TAS1R2: variants seen among roughly 807,000 people sequenced by gnomAD.
TAS1R2 encodes taste 1 receptor member 2.
A neutral mutation model predicts 49.3 loss-of-function variants in TAS1R2; 47 were observed. That is an observed-to-expected ratio of 0.95 (90% CI 0.75 to 1.22). The LOEUF (loss-of-function observed/expected upper bound fraction) is 1.22, where lower values mean the gene tolerates loss of function less well. TAS1R2 is among the 50% of genes most tolerant of loss of function. The pLI, the probability that TAS1R2 is intolerant of heterozygous loss-of-function variation, is 0.00. For missense variants in TAS1R2, 1,155 were observed against 1,122.1 expected (o/e 1.03, Z -0.42); for synonymous variants, 479 against 467.9 (o/e 1.02, Z -0.31).
chr1:18,840,642 C>T, intron 5 of TAS1R2, 115 bp from the exon 6 acceptor site: 7 of 1,049,950 alleles, frequency 6.7e-6, no homozygotes, highest in Non-Finnish European at 9.9e-6. Flanking sequence ...AAGGGCAACC[C>T]TTGCATTCAC....
At chr1:18,841,947 G>C (rs1025347473) in intron 4 of TAS1R2, 95 bp from the exon 5 acceptor site, 118 of 1,299,278 alleles carry the variant, frequency 9.1e-5, no homozygotes, top group Non-Finnish European at 1.1e-4. Flanking sequence ...AGGGGAGGAA[G>C]CCTAGAAGCC....
intron 2 of TAS1R2, among the ~76,000 whole-genome samples, chr1:18,856,043 A>G (rs962278251): frequency 6.6e-6 from 1 of 152,040 alleles, no homozygotes. Flanking sequence ...GCTCACACAC[A>G]TGTCAGGTCA....
intron 3 of TAS1R2, among the ~76,000 whole-genome samples, chr1:18,850,637 C>T (rs1934004698): frequency 1.3e-5 from 2 of 152,260 alleles, no homozygotes; most frequent in East Asian, 1.9e-4. Context: ...CCTGCCCAAG[C>T]AGGGTTGAGC....
intron 3 of TAS1R2, among the ~76,000 whole-genome samples, chr1:18,850,556 G>A (rs1569669314): frequency 1.3e-5 from 2 of 152,256 alleles, no homozygotes; most frequent in East Asian, 3.8e-4. Context: ...GTCGGCCTGA[G>A]GATGAGGATC....
chr1:18,848,049 G>T lies in TAS1R2; in HGVS notation c.1467+1292C>A, dbSNP rs533900943. On this transcript the variant is annotated intron_variant, in intron 4 of 5. Coordinates refer to ENST00000375371, the Ensembl canonical transcript of TAS1R2. ...CCTCATGATTCAATTATCTCACACT[G>T]GATCCCTCTCACAACATGTGGGGAT... Among the ~76,000 whole-genome samples, 240 of 152,280 alleles carry T rather than the reference G, an allele frequency of 1.6e-3. 1 individual carries two copies. Among genetic ancestry groups the T allele is most frequent in the Non-Finnish European group, 2.9e-3 (198 of 68,028 alleles).
chr1:18,849,781 C>T (rs563612074), intron 3 of TAS1R2, among the ~76,000 whole-genome samples: 115 of 152,320 alleles, frequency 7.5e-4, no homozygotes, highest in Middle Eastern at 3.4e-3. Flanking sequence ...GCTGTGAGGC[C>T]TTGGGCCTGT....
intron 3 of TAS1R2, among the ~76,000 whole-genome samples, chr1:18,849,840 A>C (rs1933990265): frequency 1.3e-5 from 2 of 152,166 alleles, no homozygotes; most frequent in Admixed American, 1.3e-4. Flanking sequence ...TGGGAGCAAT[A>C]AAAACTCTAT....
At chr1:18,848,812 G>A (rs951150674) in intron 4 of TAS1R2, among the ~76,000 whole-genome samples, 8 of 152,182 alleles carry the variant, frequency 5.3e-5, no homozygotes, top group Non-Finnish European at 1.0e-4. Flanking sequence ...AGATGGGATC[G>A]TCTAGTTGCA....
intron 3 of TAS1R2, among the ~76,000 whole-genome samples, chr1:18,851,399 A>G (rs1934022296): frequency 6.6e-6 from 1 of 152,040 alleles, no homozygotes; most frequent in African/African-American, 2.4e-5. Flanking sequence ...GCGATCTCAG[A>G]TCGGACTACA....
chr1:18,854,783 C>A lies in TAS1R2; in HGVS notation c.687G>T (p.Arg229=). ...CCTGGAAGGCGATGCAGATGTCGCGCCGGGCCACGCGCTCGCCAAGCAGCT... is the reference window on the plus strand; with the variant it reads ...CCTGGAAGGCGATGCAGATGTCGCGACGGGCCACGCGCTCGCCAAGCAGCT... The change falls in exon 3 of 6, where the codon CGG becomes CGT. Residue 229 remains arginine (R), a synonymous_variant. Coordinates refer to ENST00000375371, the Ensembl canonical transcript of TAS1R2. This position sits in a 1 kb window ranked among gnomAD's most constrained non-coding sequence, Gnocchi z 4.9. The A allele has an allele frequency of 6.2e-7, 1 of 1,605,926 alleles. No homozygotes were observed. The highest frequency in any genetic ancestry group is 1.3e-5 in the African/African-American group (1 of 74,970).
intron 2 of TAS1R2, among the ~76,000 whole-genome samples, chr1:18,855,553 C>T (rs1007160452): frequency 2.0e-5 from 3 of 152,198 alleles, no homozygotes. Context: ...TCAGTCCCTG[C>T]CTTTTCTCCA....
intron 4 of TAS1R2, among the ~76,000 whole-genome samples, chr1:18,843,070 T>G (rs1248331429): frequency 6.6e-6 from 1 of 152,238 alleles, no homozygotes; most frequent in Non-Finnish European, 1.5e-5. Flanking sequence ...AGATGTTACA[T>G]CATTAACACT....
chr1:18,854,287 C>T lies in TAS1R2; in HGVS notation c.1183G>A (p.Val395Met). 6.2e-7 allele frequency: 1 copy of T among 1,614,190 alleles called. No homozygotes were observed. Among genetic ancestry groups the T allele is most frequent in the Non-Finnish European group, 8.5e-7 (1 of 1,180,032 alleles). Residue 395 changes from valine (V) to methionine (M), a missense_variant, in exon 3 of 6, where the codon GTG (valine) becomes ATG (methionine). Transcript: ENST00000375371. The surrounding 1 kb of genome is among the most constrained non-coding windows in gnomAD (Gnocchi z 4.9). The stretch of plus-strand genomic sequence containing the variant: ...AGGAGGCTGTGCAGGGCATGGGCCA[C>T]AGCATAGACCGCAGAGTACACGCTG...
intron 4 of TAS1R2, among the ~76,000 whole-genome samples, chr1:18,848,953 C>T (rs1041747073): frequency 7.9e-5 from 12 of 152,154 alleles, no homozygotes; most frequent in African/African-American, 2.7e-4. Context: ...TTGAATCATC[C>T]GGAAACTATC....
At chr1:18,845,644 C>T (rs1933904576) in intron 4 of TAS1R2, among the ~76,000 whole-genome samples, 1 of 152,202 alleles carries the variant, frequency 6.6e-6, no homozygotes, top group Non-Finnish European at 1.5e-5. Flanking sequence ...AAGTAACTGA[C>T]CTGGATTCGT....
chr1:18,849,351 A>G, exon 4 of TAS1R2: 1 of 1,613,724 alleles, frequency 6.2e-7, no homozygotes, highest in Non-Finnish European at 8.5e-7. Flanking sequence ...CGTGTTGTTG[A>G]TGGTGTGCCA....
chr1:18,851,336 C>G (rs4920562), intron 3 of TAS1R2, among the ~76,000 whole-genome samples: 49,093 of 151,548 alleles, frequency 0.32, 8,311 homozygotes, highest in East Asian at 0.4. Context: ...TTTTGTTTTG[C>G]TTTTTTTTTA....
chr1:18,842,068 CT>C (rs1311627163), intron 4 of TAS1R2, among the ~76,000 whole-genome samples: 2 of 152,178 alleles, frequency 1.3e-5, no homozygotes, highest in Non-Finnish European at 2.9e-5. Context: ...TTCTGTTCTC[CT>C]TAACAAATGC....
In TAS1R2 at chr1:18,854,754, G is replaced by T. The variant is rs577863777; in HGVS notation, c.716C>A (p.Thr239Lys). The T allele has an allele frequency of 1.2e-6, 2 of 1,610,638 alleles. No homozygotes were observed. The highest frequency in any genetic ancestry group is 1.3e-5 in the African/African-American group (1 of 74,904). Residue 239 changes from threonine (T) to lysine (K), a missense_variant, in exon 3 of 6, where the codon ACG becomes AAG. Coordinates refer to ENST00000375371, the Ensembl canonical transcript of TAS1R2. This position sits in a 1 kb window ranked among gnomAD's most constrained non-coding sequence, Gnocchi z 4.9. Reference sequence around the variant, plus strand: ...CTGGTTGGGCTGCAGTGTGGGCAGCGTCTCCTGGAAGGCGATGCAGATGTC... The same window carrying T: ...CTGGTTGGGCTGCAGTGTGGGCAGCTTCTCCTGGAAGGCGATGCAGATGTC...
Sources: gnomAD v4.1 joint callset for allele counts (sites outside exome capture counted in the v4.1 genomes callset) on GRCh38, gnomAD v4.1.1 for gene constraint, Gnocchi (gnomAD v3.1) non-coding constraint, MANE v1.5 for transcripts, NCBI Gene and HGNC (gene_info 2026-07-23, HGNC 2026-07-21) for gene names.